The following MYLK variants were observed in gnomAD, a reference collection of about 807,000 sequenced individuals.
The protein encoded by MYLK is myosin light chain kinase, smooth muscle.
Under a neutral mutation model 203.4 loss-of-function variants are expected in MYLK, and 106 were observed. That is an observed-to-expected ratio of 0.52 (90% CI 0.45 to 0.61). MYLK has a LOEUF of 0.61. Among genes scored for constraint, MYLK ranks in the 20% least tolerant of loss-of-function variants. The probability of loss-of-function intolerance (pLI) is 0.00; values close to 1 mark genes in which losing one functional copy is unlikely to be tolerated. For missense variants in MYLK, 2,072 were observed against 2,442.3 expected, an observed-to-expected ratio of 0.85 and a Z score of 3.20; for synonymous variants, 867 against 959.5, an observed-to-expected ratio of 0.90 and a Z score of 1.78.
chr3:123,779,337 G>T (rs1416701470), intron 4 of MYLK, among the ~76,000 whole-genome samples: 1 of 152,236 alleles, frequency 6.6e-6, no homozygotes, highest in African/African-American at 2.4e-5. Flanking sequence ...CAGGTGCCTG[G>T]CTCCCCTCAG....
intron 23 of MYLK, among the ~76,000 whole-genome samples, chr3:123,661,765 G>C (rs1443253509): frequency 1.3e-5 from 2 of 152,170 alleles, no homozygotes; most frequent in Non-Finnish European, 2.9e-5. Flanking sequence ...ATGGACAACT[G>C]GGGGTGGGGA....
At chr3:123,775,912 G>T (rs975270576) in intron 4 of MYLK, among the ~76,000 whole-genome samples, 1 of 152,142 alleles carries the variant, frequency 6.6e-6, no homozygotes, top group African/African-American at 2.4e-5. Flanking sequence ...CAGGCATCAT[G>T]GTAGGCACTG....
intron 20 of MYLK, among the ~76,000 whole-genome samples, chr3:123,677,918 T>TATATATATATATATATACACACAC (rs1273803739): frequency 5.1e-5 from 4 of 78,898 alleles, no homozygotes; most frequent in African/African-American, 2.4e-4. Flanking sequence ...TATATATATA[T>TATATATATATATATATACACACAC]ACACACACAC....
chr3:123,775,431 T>G (rs2064036790), intron 4 of MYLK, among the ~76,000 whole-genome samples: 1 of 152,228 alleles, frequency 6.6e-6, no homozygotes, highest in African/African-American at 2.4e-5. Flanking sequence ...TAATGCTTAG[T>G]GAGCAAGAAC....
chr3:123,766,599 C>T (rs1032199049), intron 4 of MYLK, among the ~76,000 whole-genome samples: 9 of 152,166 alleles, frequency 5.9e-5, no homozygotes, highest in African/African-American at 1.9e-4. Flanking sequence ...GCACTAGAAG[C>T]GAGATAGCTC....
intron 5 of MYLK, 23 bp from the exon 6 acceptor site, chr3:123,740,024 G>A (rs746671694): frequency 8.2e-5 from 133 of 1,613,396 alleles, no homozygotes; most frequent in Middle Eastern, 1.6e-4. Flanking sequence ...GAGTTGATGA[G>A]TCAGGTCTGA....
At chr3:123,861,129 C>CAAAAAAAA (rs5852370) in intron 2 of MYLK, among the ~76,000 whole-genome samples, 1 of 130,412 alleles carries the variant, frequency 7.7e-6, no homozygotes, top group Non-Finnish European at 1.6e-5. Context: ...GACCCTGTCT[C>CAAAAAAAA]AAAAAAAAAA....
intron 3 of MYLK, among the ~76,000 whole-genome samples, chr3:123,797,829 A>G (rs779946744): frequency 1.3e-5 from 2 of 152,224 alleles, no homozygotes; most frequent in South Asian, 4.1e-4. Flanking sequence ...AAGGCATTCA[A>G]TAGCAGTGGC....
chr3:123,770,001 G>C (rs1366769793), intron 4 of MYLK, among the ~76,000 whole-genome samples: 3 of 152,066 alleles, frequency 2.0e-5, no homozygotes, highest in African/African-American at 7.2e-5. Flanking sequence ...TTGGCTGATA[G>C]AATCAATGTT....
At chr3:123,753,199 A>G (rs914066310) in intron 4 of MYLK, among the ~76,000 whole-genome samples, 42 of 152,356 alleles carry the variant, frequency 2.8e-4, no homozygotes, top group Non-Finnish European at 5.3e-4. Flanking sequence ...GACAATACAA[A>G]AAAGGGCAAA....
chr3:123,780,649 C>T (rs1480211621), intron 4 of MYLK, among the ~76,000 whole-genome samples: 1 of 152,142 alleles, frequency 6.6e-6, no homozygotes, highest in East Asian at 1.9e-4. Flanking sequence ...AGAGAGGCAG[C>T]TCCTTAAGAT....
rs2877736 is a variant in MYLK, at chr3:123,677,009, C to T, written c.3652+5215G>A. On this transcript the variant is annotated intron_variant, in intron 20 of 33. Coordinates refer to ENST00000360304, the MANE Select transcript of MYLK (RefSeq NM_053025.4). ...TCCTTTACACAGCCAGCATGCTTGT[C>T]TCCCCTCACGCAAAATTCCCAAGAA... 0.027 allele frequency among the ~76,000 whole-genome samples: 4,082 copies of T among 152,308 alleles called. 368 individuals are homozygous for T. In the East Asian group the frequency reaches 0.34, roughly 13 times the overall value.
At chr3:123,796,218 T>C (rs2064980814) in intron 3 of MYLK, among the ~76,000 whole-genome samples, 2 of 152,210 alleles carry the variant, frequency 1.3e-5, no homozygotes, top group Admixed American at 6.5e-5. Flanking sequence ...CATTTGCTCC[T>C]TACAACAACA....
At chr3:123,814,781 A>ATCCT (rs2065686962) in intron 3 of MYLK, among the ~76,000 whole-genome samples, 1 of 151,768 alleles carries the variant, frequency 6.6e-6, no homozygotes, top group African/African-American at 2.4e-5. Flanking sequence ...ACATAAACTG[A>ATCCT]TCCTTTCTTT....
intron 3 of MYLK, among the ~76,000 whole-genome samples, chr3:123,821,842 A>G (rs1242828863): frequency 1.3e-5 from 2 of 152,176 alleles, no homozygotes; most frequent in South Asian, 2.1e-4. Context: ...AGTTTGTCCA[A>G]CCCTGTAGGG....
At chr3:123,746,880 G>T (rs1006652130) in intron 5 of MYLK, among the ~76,000 whole-genome samples, 1 of 152,062 alleles carries the variant, frequency 6.6e-6, no homozygotes, top group Non-Finnish European at 1.5e-5. Flanking sequence ...CATTTATAAA[G>T]AACATAAATG....
At chr3:123,835,431 G>A (rs944736775) in intron 2 of MYLK, among the ~76,000 whole-genome samples, 1 of 152,210 alleles carries the variant, frequency 6.6e-6, no homozygotes, top group Non-Finnish European at 1.5e-5. Context: ...CTGATCAGGG[G>A]TGGAAGACCT....
At chr3:123,730,330 T>G (rs563547926) in intron 11 of MYLK, among the ~76,000 whole-genome samples, 39 of 152,280 alleles carry the variant, frequency 2.6e-4, no homozygotes, top group African/African-American at 9.1e-4. Context: ...GAATGTAAAA[T>G]GGTGAAAAAC....
intron 24 of MYLK, 64 bp from the exon 25 acceptor site, chr3:123,649,258 G>A: frequency 6.2e-7 from 1 of 1,604,826 alleles, no homozygotes; most frequent in Non-Finnish European, 8.5e-7. Flanking sequence ...CCCACTGAGA[G>A]CAAGATGTGC....
Sources: gnomAD v4.1 joint callset for allele counts (sites outside exome capture counted in the v4.1 genomes callset) on GRCh38, gnomAD v4.1.1 for gene constraint, MANE v1.5 for transcripts, NCBI Gene and HGNC (gene_info 2026-07-23, HGNC 2026-07-21) for gene names.